The following TRABD2A variants were observed in gnomAD, a reference collection of about 807,000 sequenced individuals.
The protein encoded by TRABD2A is metalloprotease TIKI1.
TRABD2A carries 43 observed loss-of-function variants against 45.6 expected under a neutral mutation model. The observed-to-expected ratio is 0.94, with a 90% confidence interval of 0.74 to 1.22. The LOEUF (loss-of-function observed/expected upper bound fraction) is 1.22, where lower values mean the gene tolerates loss of function less well. TRABD2A is among the 50% of genes most tolerant of loss of function. The pLI is 0.00. For synonymous variants in TRABD2A, 269 were observed against 265.0 expected (o/e 1.02, Z -0.15); for missense variants, 642 against 652.4 (o/e 0.98, Z 0.17).
chr2:84,826,828 G>A (rs1283689019), intron 5 of TRABD2A, among the ~76,000 whole-genome samples: 3 of 152,188 alleles, frequency 2.0e-5, no homozygotes, highest in African/African-American at 4.8e-5. Flanking sequence ...CACCGTGCCT[G>A]GCCAATTCTT....
At chr2:84,822,924 C>T (rs1031756089) in intron 6 of TRABD2A, among the ~76,000 whole-genome samples, 1 of 152,222 alleles carries the variant, frequency 6.6e-6, no homozygotes, top group Non-Finnish European at 1.5e-5. Context: ...GCCAGAATTA[C>T]TTTATCTCAG....
rs1284143658 is a variant in TRABD2A, at chr2:84,868,137, CAT to C, written c.669+2086_669+2087del. 5.3e-5 allele frequency among the ~76,000 whole-genome samples: 8 copies of C among 152,136 alleles called. No homozygotes were observed. In the East Asian group the frequency reaches 5.8e-4, roughly 11 times the overall value. ...GCTGCTATAAAGGCACATGCATACA[CAT>C]GTTTATTGTGGCACTATCCACAATA... On this transcript the variant is annotated intron_variant, in intron 2 of 6. Coordinates refer to ENST00000409520, the MANE Select transcript of TRABD2A (RefSeq NM_001277053.2).
At position 84,832,081 on chromosome 2, in the gene TRABD2A, G is replaced by T. The variant is rs60429698; in HGVS notation, c.1056C>A (p.His352Gln). 1 of 1,613,890 alleles carries T rather than the reference G, an allele frequency of 6.2e-7. No individual in the cohort carries two copies. The highest frequency in any genetic ancestry group is 1.3e-5 in the African/African-American group (1 of 74,914). Residue 352 changes from histidine to glutamine, a missense_variant, in exon 5 of 7, where the codon CAC becomes CAA. Physicochemically the swap from His to Gln is conservative, Grantham distance 24. Coordinates refer to ENST00000409520, the MANE Select transcript of TRABD2A (RefSeq NM_001277053.2). Reference protein sequence around the residue: ...VLRREGYEVEHAPAGRPIHKG... With the variant: ...VLRREGYEVEQAPAGRPIHKG... ...TGTGGATGGGTCGTCCAGCAGGGGC[G>T]TGTTCTACCTCATAGCCTTCACGCC...
At chr2:84,859,325 A>G (rs926430847) in intron 2 of TRABD2A, among the ~76,000 whole-genome samples, 1 of 152,100 alleles carries the variant, frequency 6.6e-6, no homozygotes, top group African/African-American at 2.4e-5. Flanking sequence ...CTCCAATTGC[A>G]CCCAGCAATT....
chr2:84,831,983 C>A (rs1164354684), intron 5 of TRABD2A, 72 bp downstream of exon 5: 3 of 1,520,962 alleles, frequency 2.0e-6, no homozygotes, highest in Non-Finnish European at 2.7e-6. Context: ...AAGATAGCAG[C>A]CCACCCTGGT....
At chr2:84,842,185 G>C (rs1011587543) in intron 2 of TRABD2A, among the ~76,000 whole-genome samples, 178 bp from the exon 3 acceptor site, 6 of 152,206 alleles carry the variant, frequency 3.9e-5, no homozygotes, top group African/African-American at 1.4e-4. Flanking sequence ...AAGGAGAACA[G>C]TCCTTCCCAA....
rs377499574 is a variant in TRABD2A at position 84,823,965 on chromosome 2, C to T, written c.1322G>A (p.Arg441His). ...CTACTCGCCTGACCTCTCCTCCAGGCGGACCCACAGATCGCTGAATTGCCG... is the reference window on the plus strand; with the variant it reads ...CTACTCGCCTGACCTCTCCTCCAGGTGGACCCACAGATCGCTGAATTGCCG... ...RLRQFSDLWV[R>H]LEESDIVPQL... Residue 441 changes from arginine to histidine, a missense_variant, in exon 6 of 7, where the codon CGC becomes CAC. Coordinates refer to ENST00000409520, the MANE Select transcript of TRABD2A (RefSeq NM_001277053.2). The T allele has an allele frequency of 2.5e-6, 4 of 1,613,812 alleles. No individual in the cohort carries two copies. The highest frequency in any genetic ancestry group is 2.2e-5 in the East Asian group (1 of 44,876).
Position 84,824,024 on chromosome 2 carries a change from C to G in TRABD2A, c.1263G>C (p.Lys421Asn), listed in dbSNP as rs752012849. The change falls in exon 6 of 7, where the codon AAG becomes AAC. Residue 421 changes from lysine (K) to asparagine (N), a missense_variant. Lys to Asn is a moderately conservative substitution (Grantham distance 94). Coordinates refer to ENST00000409520, the MANE Select transcript of TRABD2A (RefSeq NM_001277053.2). ...GCCTCCGCTGTGACCGCCTCCGCTTCTTCCGGAACCTCTGTTCGGCCTCAC... is the reference window on the plus strand; with the variant it reads ...GCCTCCGCTGTGACCGCCTCCGCTTGTTCCGGAACCTCTGTTCGGCCTCAC... ...TPSEAEQRFRKKRRRSQRRPR... is the reference protein window; with the variant it reads ...TPSEAEQRFRNKRRRSQRRPR... 2 of 1,613,910 alleles carry G rather than the reference C, an allele frequency of 1.2e-6. No individual in the cohort carries two copies. Among genetic ancestry groups the G allele is most frequent in the Admixed American group, 3.3e-5 (2 of 60,020 alleles).
In TRABD2A at chr2:84,870,326, G is replaced by T. The variant is rs1176152097; in HGVS notation, c.568C>A (p.Leu190Met). 3.1e-6 allele frequency: 5 copies of T among 1,614,020 alleles called. No homozygotes were observed. Among genetic ancestry groups the T allele is most frequent in the Middle Eastern group, 3.3e-4 (2 of 6,062 alleles). Residue 190 changes from leucine to methionine, a missense_variant, in exon 2 of 7, where the codon CTG (leucine) becomes ATG (methionine). Leu to Met is a conservative substitution (Grantham distance 15). Transcript: ENST00000409520. ...CGCTCAGCCTCCTGGGCAAGGAACA[G>T]GTCTAAGACAGGCACTCCACGGGAC... is the stretch of plus-strand genomic sequence containing the variant. ...IKSRGVPVLD[L>M]FLAQEAERLR...
intron 4 of TRABD2A, 105 bp from the exon 5 acceptor site, chr2:84,832,250 G>T: frequency 8.6e-7 from 1 of 1,161,458 alleles, no homozygotes; most frequent in Non-Finnish European, 1.3e-6. Flanking sequence ...CAAGCCCCCT[G>T]CCTATCTGTC....
At chr2:84,870,837 C>A in intron 1 of TRABD2A, 52 bp from the exon 2 acceptor site, 2 of 1,456,620 alleles carry the variant, frequency 1.4e-6, no homozygotes, top group South Asian at 2.8e-5. Context: ...GAGGCATGGT[C>A]AGGAACCTGT....
Position 84,824,139 on chromosome 2 carries a change from G to A in TRABD2A, c.1148C>T (p.Thr383Ile). ...LSTIFAPKVP[T>I]LEVPAPEAVS... ...GGCTTCTGGTGCCGGTACTTCCAGG[G>A]TAGGGACTTTTGGAGCAAAGATGGT... The change falls in exon 6 of 7, where the codon ACC (threonine) becomes ATC (isoleucine). Residue 383 changes from threonine to isoleucine, a missense_variant. By Grantham distance (89) the Thr-to-Ile change is moderately conservative (BLOSUM62 -1). Transcript: ENST00000409520. The A allele has an allele frequency of 3.1e-6, 5 of 1,614,036 alleles. No homozygotes were observed. The highest frequency in any genetic ancestry group is 4.2e-6 in the Non-Finnish European group (5 of 1,179,902).
chr2:84,856,313 C>T (rs1038702111), intron 2 of TRABD2A, among the ~76,000 whole-genome samples: 3 of 152,044 alleles, frequency 2.0e-5, no homozygotes, highest in Non-Finnish European at 4.4e-5. Context: ...CTTCCAAATA[C>T]CTCCTCCCTT....
At chr2:84,822,535 C>T (rs1681029303) in intron 6 of TRABD2A, among the ~76,000 whole-genome samples, 1 of 152,180 alleles carries the variant, frequency 6.6e-6, no homozygotes, top group Non-Finnish European at 1.5e-5. Context: ...ATGTGCACAG[C>T]ATATAGGCAT....
At chr2:84,878,349 AC>A (rs1333194328) in intron 1 of TRABD2A, among the ~76,000 whole-genome samples, 1 of 152,020 alleles carries the variant, frequency 6.6e-6, no homozygotes, top group Non-Finnish European at 1.5e-5. Flanking sequence ...AGATAGTGGA[AC>A]CCCATCTCTA....
intron 2 of TRABD2A, among the ~76,000 whole-genome samples, chr2:84,845,785 T>C (rs1347600051): frequency 6.6e-6 from 1 of 152,196 alleles, no homozygotes; most frequent in Non-Finnish European, 1.5e-5. Context: ...ATCCCTTCTA[T>C]TCATTAATTC....
chr2:84,845,649 G>A (rs547069032), intron 2 of TRABD2A, among the ~76,000 whole-genome samples: 152 of 152,276 alleles, frequency 1.0e-3, no homozygotes, highest in African/African-American at 3.3e-3. Context: ...TTGATAGACT[G>A]AACATCAAGA....
At chr2:84,833,458 T>C (rs868774052) in intron 4 of TRABD2A, 3 of 152,252 alleles carry the variant, frequency 2.0e-5, no homozygotes, top group South Asian at 4.1e-4. Context: ...TCAATTTTTC[T>C]TCTACTGCAA....
chr2:84,831,409 C>T (rs370641782), intron 5 of TRABD2A, among the ~76,000 whole-genome samples: 1 of 152,102 alleles, frequency 6.6e-6, no homozygotes, highest in East Asian at 1.9e-4. Flanking sequence ...GGAAGGACAC[C>T]TGGGGCCCAC....
Sources: allele counts gnomAD v4.1 joint callset (sites outside exome capture counted in the v4.1 genomes callset), GRCh38; gene constraint gnomAD v4.1.1; transcripts MANE v1.5; gene names NCBI Gene and HGNC (gene_info 2026-07-23, HGNC 2026-07-21).